Variants in LPIN2 observed in about 807,000 individuals in gnomAD.
LPIN2 encodes phosphatidate phosphatase LPIN2.
Under a neutral mutation model 111.4 loss-of-function variants are expected in LPIN2, and 55 were observed. The ratio of observed to expected loss-of-function variants is 0.49; its 90% CI spans 0.40 to 0.62. LPIN2 has a LOEUF of 0.62. LPIN2 is among the 20% of genes least tolerant of loss of function. The pLI, the probability that LPIN2 is intolerant of heterozygous loss-of-function variation, is 0.00. For synonymous variants in LPIN2, 425 were observed against 414.0 expected (o/e 1.03, Z -0.32); for missense variants, 992 against 1,112.1 (o/e 0.89, Z 1.54).
chr18:2,930,052 T>C (rs1294250373), intron 9 of LPIN2, among the ~76,000 whole-genome samples: 1 of 152,214 alleles, frequency 6.6e-6, no homozygotes, highest in African/African-American at 2.4e-5. Context: ...GAATGAGGGC[T>C]TCCCATGAAT....
intron 2 of LPIN2, among the ~76,000 whole-genome samples, chr18:2,956,650 T>C (rs1568569308): frequency 6.6e-6 from 1 of 152,298 alleles, no homozygotes; most frequent in East Asian, 1.9e-4. Flanking sequence ...ACTAATTTCA[T>C]TTTTGGAGGC....
intron 1 of LPIN2, among the ~76,000 whole-genome samples, chr18:2,971,365 C>T (rs116213007): frequency 0.01 from 1,558 of 152,192 alleles, 26 homozygotes; most frequent in African/African-American, 0.035. Flanking sequence ...GTGGGCTCAG[C>T]GGCTGAGAAG....
intron 1 of LPIN2, among the ~76,000 whole-genome samples, chr18:2,971,618 T>C (rs1231367318): frequency 6.6e-6 from 1 of 152,074 alleles, no homozygotes; most frequent in South Asian, 2.1e-4. Flanking sequence ...AATAAATGAA[T>C]GAATGAATGC....
intron 4 of LPIN2, chr18:2,948,455 T>C (rs1365633163): frequency 6.6e-6 from 1 of 152,262 alleles, no homozygotes; most frequent in Non-Finnish European, 1.5e-5. Flanking sequence ...TTTAGAATAA[T>C]GATTCTTGTA....
At chr18:2,989,230 T>C (rs1270643540) in intron 1 of LPIN2, among the ~76,000 whole-genome samples, 2 of 152,206 alleles carry the variant, frequency 1.3e-5, no homozygotes, top group South Asian at 2.1e-4. Context: ...AGTACCTTCT[T>C]AGACTCATTA....
intron 1 of LPIN2, among the ~76,000 whole-genome samples, chr18:2,961,714 T>C (rs1402342340): frequency 1.3e-5 from 2 of 152,082 alleles, no homozygotes; most frequent in African/African-American, 2.4e-5. Flanking sequence ...ATGTCAGATT[T>C]TACTTCCAGC....
chr18:2,953,955 T>A (rs1287508914), intron 3 of LPIN2, among the ~76,000 whole-genome samples: 1 of 152,196 alleles, frequency 6.6e-6, no homozygotes, highest in Non-Finnish European at 1.5e-5. Flanking sequence ...TTTTAACAAA[T>A]CATGCTCGTT....
In LPIN2 at chr18:2,938,027, C is replaced by T; in HGVS notation, c.833G>A (p.Arg278Lys). ...CCTAGGATGATGGTCAGATCGTTCT[C>T]TTTTGCTGACCTAAAAAAGTTAAAT... ...GFPESTKVSK[R>K]ERSDHHPRTA... The change falls in exon 7 of 20, where the codon AGA becomes AAA. Residue 278 changes from arginine (R) to lysine (K), a missense_variant. Coordinates refer to ENST00000677752, the MANE Select transcript of LPIN2 (RefSeq NM_001375808.2). The T allele has an allele frequency of 6.2e-7, 1 of 1,613,492 alleles. No individual in the cohort carries two copies. The highest frequency in any genetic ancestry group is 8.5e-7 in the Non-Finnish European group (1 of 1,179,676).
rs1212318025 is a variant in LPIN2, at chr18:2,925,864, G to A, written c.1794-496C>T. On this transcript the variant is annotated intron_variant, in intron 13 of 19. Transcript: ENST00000677752. The surrounding 1 kb of genome is among the most constrained non-coding windows in gnomAD (Gnocchi z 4.1). ...CTACGGAACATTTAAAAATTAGCCAGGGGTAGTGACACTTGTCTGTGGTCC... is the reference window on the plus strand; with the variant it reads ...CTACGGAACATTTAAAAATTAGCCAAGGGTAGTGACACTTGTCTGTGGTCC... Among the ~76,000 whole-genome samples, 2 of 152,168 alleles carry A rather than the reference G, an allele frequency of 1.3e-5. No homozygotes were observed. Among genetic ancestry groups the A allele is most frequent in the African/African-American group, 4.8e-5 (2 of 41,442 alleles).
chr18:2,924,567 TAAAG>T, intron 14 of LPIN2, 21 bp from the exon 15 acceptor site: 1 of 1,613,192 alleles, frequency 6.2e-7, no homozygotes, highest in Non-Finnish European at 8.5e-7. Context: ...AGCATAAGAA[TAAAG>T]AAAATCAGCT....
At chr18:2,938,417 G>C (rs779683456) in intron 6 of LPIN2, among the ~76,000 whole-genome samples, 1 of 152,086 alleles carries the variant, frequency 6.6e-6, no homozygotes, top group Non-Finnish European at 1.5e-5. Flanking sequence ...TCAGCTACTC[G>C]GGAGGCTGAG....
chr18:2,976,261 A>G (rs2078013682), intron 1 of LPIN2, among the ~76,000 whole-genome samples: 1 of 152,224 alleles, frequency 6.6e-6, no homozygotes, highest in Non-Finnish European at 1.5e-5. Context: ...AACCTGTACC[A>G]TATTGTATCC....
intron 1 of LPIN2, among the ~76,000 whole-genome samples, chr18:3,006,216 G>A (rs1006958709): frequency 1.3e-5 from 2 of 152,122 alleles, no homozygotes; most frequent in African/African-American, 2.4e-5. Context: ...ACACCTCCTC[G>A]AAATACCTAG....
At position 2,919,426 on chromosome 18, in the gene LPIN2, C is replaced by G. The variant is rs897166490; in HGVS notation, c.*867G>C. 6.6e-6 allele frequency: 1 copy of G among 152,252 alleles called. No individual in the cohort carries two copies. The highest frequency in any genetic ancestry group is 1.5e-5 in the Non-Finnish European group (1 of 68,094). The allele number at this position is 152,252 out of a possible 1,614,324, so 9.4% of individuals were successfully genotyped here. On this transcript the variant is annotated 3_prime_UTR_variant, in exon 20 of 20. Transcript: ENST00000677752. ...CTTTCCAAAGGCCCACACCAGGCAG[C>G]AAGCAGAGGGATTCAGCGCTCTTCC...
intron 1 of LPIN2, among the ~76,000 whole-genome samples, chr18:3,009,646 G>A (rs1480848576): frequency 6.6e-6 from 1 of 151,802 alleles, no homozygotes; most frequent in Non-Finnish European, 1.5e-5. Context: ...TCACCACGTT[G>A]GCCAGGCTGG....
At position 2,919,170 on chromosome 18, in the gene LPIN2, G is replaced by A. The variant is rs751936986; in HGVS notation, c.*1123C>T. 1 of 152,156 alleles carries A rather than the reference G, an allele frequency of 6.6e-6. No homozygotes were observed. Among genetic ancestry groups the A allele is most frequent in the Non-Finnish European group, 1.5e-5 (1 of 68,032 alleles). The allele number at this position is 152,156 out of a possible 1,614,324, so 9.4% of individuals were successfully genotyped here. A position where few individuals can be genotyped will look rare whatever the true frequency, so the allele number is the denominator to read the frequency against. ...TTAGTGAAAATACATAGGCACCCGT[G>A]TCCCCATGGGGTCTCACAGGGCTAG... On this transcript the variant is annotated 3_prime_UTR_variant, in exon 20 of 20. Transcript: ENST00000677752.
chr18:3,002,560 T>A (rs1397971854), intron 1 of LPIN2, among the ~76,000 whole-genome samples: 3 of 152,196 alleles, frequency 2.0e-5, no homozygotes, highest in Non-Finnish European at 4.4e-5. Context: ...CAGCCATAGA[T>A]GAAATGATGG....
chr18:2,965,638 G>A (rs2077787611), intron 1 of LPIN2, among the ~76,000 whole-genome samples: 1 of 149,546 alleles, frequency 6.7e-6, no homozygotes, highest in Admixed American at 6.7e-5. Context: ...GCTGAGGCAG[G>A]AGAATCGCTT....
intron 1 of LPIN2, among the ~76,000 whole-genome samples, chr18:2,965,593 C>T (rs912137095): frequency 1.3e-5 from 2 of 151,764 alleles, no homozygotes; most frequent in African/African-American, 2.4e-5. Context: ...TGGCCTGTAT[C>T]GTGACACATG....
Sources: gnomAD v4.1 joint callset for allele counts (sites outside exome capture counted in the v4.1 genomes callset) on GRCh38, gnomAD v4.1.1 for gene constraint, Gnocchi (gnomAD v3.1) non-coding constraint, MANE v1.5 for transcripts, NCBI Gene and HGNC (gene_info 2026-07-23, HGNC 2026-07-21) for gene names.